The following AUNIP variants were observed in gnomAD, a reference collection of about 807,000 sequenced individuals.
The protein encoded by AUNIP is aurora kinase A and ninein interacting protein, also known as aurora kinase A- and ninein-interacting protein.
Under a neutral mutation model 12.2 loss-of-function variants are expected in AUNIP, and 16 were observed. That is an observed-to-expected ratio of 1.31 (90% confidence interval 0.88 to 1.99). The LOEUF is 1.99. Among genes scored for constraint, AUNIP ranks in the 30% most tolerant of loss-of-function variants. The probability of loss-of-function intolerance (pLI) is 0.00; values close to 1 mark genes in which losing one functional copy is unlikely to be tolerated. For synonymous variants in AUNIP, 142 were observed against 154.8 expected, an observed-to-expected ratio of 0.92 and a Z score of 0.61; for missense variants, 411 against 419.1, an observed-to-expected ratio of 0.98 and a Z score of 0.17.
chr1:25,856,422 G>T (rs987783773), intron 1 of AUNIP, among the ~76,000 whole-genome samples: 4 of 150,586 alleles, frequency 2.7e-5, no homozygotes, highest in Non-Finnish European at 4.4e-5. Flanking sequence ...AGTGGCTCAC[G>T]CCTGTAATCC....
intron 1 of AUNIP, among the ~76,000 whole-genome samples, chr1:25,841,306 T>C (rs1270329042): frequency 6.6e-6 from 1 of 152,218 alleles, no homozygotes; most frequent in Non-Finnish European, 1.5e-5. Flanking sequence ...GCTGTTTGTA[T>C]TTTATACAGT....
Position 25,834,983 on chromosome 1 carries a change from C to A in AUNIP, c.*10G>T, listed in dbSNP as rs765553797. On this transcript the variant is annotated 3_prime_UTR_variant, in exon 3 of 3. Transcript: ENST00000374298. ...TTTCAAGGTACTTTTAGAAACAAAG[C>A]TTCAAACATTTAGAATTGGTGTCTG... The A allele has an allele frequency of 8.8e-6, 14 of 1,595,622 alleles. No homozygotes were observed. The South Asian group carries it at 1.1e-4, about 13-fold the overall frequency.
intron 2 of AUNIP, among the ~76,000 whole-genome samples, chr1:25,836,098 G>A (rs2048300757): frequency 6.6e-6 from 1 of 152,110 alleles, no homozygotes; most frequent in South Asian, 2.1e-4. Context: ...ACCTAATAAA[G>A]TCAAACATCG....
intron 1 of AUNIP, among the ~76,000 whole-genome samples, chr1:25,858,561 G>A (rs1386395801): frequency 6.6e-6 from 1 of 152,270 alleles, no homozygotes; most frequent in Non-Finnish European, 1.5e-5. Context: ...TTATTATGTC[G>A]CACTTTTGTT....
At chr1:25,840,299 AG>A (rs554644427) in intron 1 of AUNIP, among the ~76,000 whole-genome samples, 234 of 152,348 alleles carry the variant, frequency 1.5e-3, no homozygotes, top group Middle Eastern at 3.4e-3. Flanking sequence ...GTGAACCTGA[AG>A]ACAATAGTAA....
intron 1 of AUNIP, among the ~76,000 whole-genome samples, chr1:25,857,544 C>G (rs112822789): frequency 0.19 from 28,472 of 150,832 alleles, 2,884 homozygotes; most frequent in Non-Finnish European, 0.22. Context: ...CCACCGCACC[C>G]GGCCATTTTG....
intron 1 of AUNIP, among the ~76,000 whole-genome samples, chr1:25,855,922 A>T (rs910956446): frequency 6.6e-6 from 1 of 152,214 alleles, no homozygotes; most frequent in Non-Finnish European, 1.5e-5. Flanking sequence ...GTTAGTGAGT[A>T]TGGTCATAAG....
intron 1 of AUNIP, among the ~76,000 whole-genome samples, chr1:25,858,843 G>A (rs2048483322): frequency 6.6e-6 from 1 of 152,092 alleles, no homozygotes; most frequent in Non-Finnish European, 1.5e-5. Flanking sequence ...CCTGCAACTT[G>A]GCAAATTGGG....
At chr1:25,838,205 G>C (rs1347328585) in intron 1 of AUNIP, among the ~76,000 whole-genome samples, 3 of 151,888 alleles carry the variant, frequency 2.0e-5, no homozygotes, top group South Asian at 2.1e-4. Context: ...CCATATGGCA[G>C]TTATGAAAAT....
chr1:25,850,605 A>C (rs1436549566), intron 1 of AUNIP, among the ~76,000 whole-genome samples: 1 of 152,182 alleles, frequency 6.6e-6, no homozygotes, highest in Non-Finnish European at 1.5e-5. Context: ...TGAGTTTTAT[A>C]GTTTCCAGTG....
intron 2 of AUNIP, among the ~76,000 whole-genome samples, chr1:25,836,295 T>A (rs1200920314): frequency 3.3e-5 from 5 of 152,238 alleles, no homozygotes; most frequent in Non-Finnish European, 7.3e-5. Context: ...ACTAGTTTTG[T>A]AAGGTCTTAA....
chr1:25,853,771 T>C (rs766996596), intron 1 of AUNIP, among the ~76,000 whole-genome samples: 1 of 152,172 alleles, frequency 6.6e-6, no homozygotes, highest in Non-Finnish European at 1.5e-5. Context: ...ACTTCCAAGA[T>C]AGCTCACTAA....
downstream of AUNIP, chr1:25,832,004 A>T: frequency 6.2e-7 from 1 of 1,614,216 alleles, no homozygotes; most frequent in Non-Finnish European, 8.5e-7. Context: ...AAGGAAGAAG[A>T]TATCAGTAGA....
chr1:25,841,680 C>T (rs1041172405), intron 1 of AUNIP, among the ~76,000 whole-genome samples: 24 of 152,062 alleles, frequency 1.6e-4, no homozygotes, highest in African/African-American at 5.6e-4. Context: ...CTGGCCACCA[C>T]GCCCGGCTAA....
intron 1 of AUNIP, among the ~76,000 whole-genome samples, chr1:25,842,303 T>C (rs976800038): frequency 1.3e-5 from 2 of 152,252 alleles, no homozygotes; most frequent in African/African-American, 4.8e-5. Context: ...AACATTCGCT[T>C]AAGTCAAAGC....
intron 1 of AUNIP, among the ~76,000 whole-genome samples, chr1:25,855,969 T>A (rs1276707084): frequency 6.6e-6 from 1 of 152,202 alleles, no homozygotes; most frequent in African/African-American, 2.4e-5. Context: ...GTTAAGGGCC[T>A]AGAGATCCTG....
Position 25,835,771 on chromosome 1 carries a change from T to C in AUNIP, c.296A>G (p.Asn99Ser). ...GATCAAATGGTCTAGCTGGGTCGCA[T>C]TTTTCTTGGACTCTTTGTTGATCTG... ...ESQINKESKK[N>S]ATQLDHLIPG... is the part of the protein sequence containing the mutation. The change falls in exon 3 of 3, where the codon AAT becomes AGT. Residue 99 changes from asparagine to serine, a missense_variant. Physicochemically the swap from Asn to Ser is conservative, Grantham distance 46. Transcript: ENST00000374298. 1 of 1,614,220 alleles carries C rather than the reference T, an allele frequency of 6.2e-7. No individual in the cohort carries two copies. Among genetic ancestry groups the C allele is most frequent in the Non-Finnish European group, 8.5e-7 (1 of 1,180,038 alleles).
chr1:25,854,610 A>G (rs201444051), intron 1 of AUNIP, among the ~76,000 whole-genome samples: 1 of 147,192 alleles, frequency 6.8e-6, no homozygotes, highest in African/African-American at 2.7e-5. Context: ...ATGTTCAAAA[A>G]GGGGGAGATA....
intron 1 of AUNIP, among the ~76,000 whole-genome samples, chr1:25,855,900 A>G (rs1303115612): frequency 6.6e-6 from 1 of 152,260 alleles, no homozygotes; most frequent in East Asian, 1.9e-4. Context: ...AGTAACAAGA[A>G]GGAGAAATGG....
Sources: allele counts gnomAD v4.1 joint callset (sites outside exome capture counted in the v4.1 genomes callset), GRCh38; gene constraint gnomAD v4.1.1; transcripts MANE v1.5; gene names NCBI Gene and HGNC (gene_info 2026-07-23, HGNC 2026-07-21).